Variants in RANBP2 observed in about 807,000 individuals in gnomAD.
The protein encoded by RANBP2 is RAN binding protein 2, also known as E3 SUMO-protein ligase RanBP2.
A neutral mutation model predicts 303.6 loss-of-function variants in RANBP2; 57 were observed. The observed-to-expected ratio is 0.19, with a 90% CI of 0.15 to 0.23. The LOEUF is 0.23. Ranked by LOEUF, RANBP2 falls within the 10% of genes least tolerant of loss-of-function variation. The pLI is 1.00. For synonymous variants in RANBP2, 1,167 were observed against 1,301.5 expected (o/e 0.90, Z 2.23); for missense variants, 3,138 against 3,780.8 (o/e 0.83, Z 4.46).
chr2:109,184,683 C>T, the RANBP2 span, among the ~76,000 whole-genome samples: 29 of 152,322 alleles, frequency 1.9e-4, no homozygotes, highest in South Asian at 5.8e-3. Flanking sequence ...CTGCCTGCTT[C>T]CCCCTGCCAC....
At chr2:109,209,510 G>T in the RANBP2 span, among the ~76,000 whole-genome samples, 1 of 152,162 alleles carries the variant, frequency 6.6e-6, no homozygotes, top group African/African-American at 2.4e-5. Flanking sequence ...CCTGGGTACA[G>T]CAAGGGAGGC....
the RANBP2 span, among the ~76,000 whole-genome samples, chr2:109,742,973 A>G: frequency 1.2e-4 from 18 of 148,834 alleles, no homozygotes; most frequent in East Asian, 3.5e-3. Flanking sequence ...TTGGACATCT[A>G]CATTAAAAAA....
At chr2:109,490,253 G>C in the RANBP2 span, among the ~76,000 whole-genome samples, 1 of 152,192 alleles carries the variant, frequency 6.6e-6, no homozygotes, top group African/African-American at 2.4e-5. Context: ...GCAAAGAGCA[G>C]GCATGCTTAC....
the RANBP2 span, among the ~76,000 whole-genome samples, chr2:109,179,505 G>A: frequency 2.6e-5 from 4 of 152,092 alleles, no homozygotes; most frequent in Non-Finnish European, 5.9e-5. Flanking sequence ...CCAAAGAGTG[G>A]GTAACTTATA....
the RANBP2 span, among the ~76,000 whole-genome samples, chr2:109,113,159 G>A: frequency 0.95 from 143,757 of 151,990 alleles, 68,471 homozygotes; most frequent in Non-Finnish European, 1. Context: ...AGTTTTTTCC[G>A]ATTCTGTGAA....
At chr2:108,759,282 C>T (rs530197878) in intron 18 of RANBP2, among the ~76,000 whole-genome samples, 8 of 151,836 alleles carry the variant, frequency 5.3e-5, no homozygotes, top group East Asian at 1.9e-4. Context: ...ATTATTAATC[C>T]CTTTTTTATA....
chr2:109,170,696 T>C, the RANBP2 span, among the ~76,000 whole-genome samples: 1 of 152,166 alleles, frequency 6.6e-6, no homozygotes, highest in Admixed American at 6.5e-5. Context: ...AGTCTGAGGT[T>C]GTTATTTGTT....
the RANBP2 span, among the ~76,000 whole-genome samples, chr2:109,267,532 C>G: frequency 6.6e-5 from 10 of 152,134 alleles, no homozygotes; most frequent in Non-Finnish European, 1.0e-4. Context: ...TTGATCAGCC[C>G]CACTCCCTTC....
chr2:108,969,446 T>C, the RANBP2 span, among the ~76,000 whole-genome samples: 1 of 152,216 alleles, frequency 6.6e-6, no homozygotes. Context: ...CAAATGTTTA[T>C]GGGGCCAGAC....
the RANBP2 span, among the ~76,000 whole-genome samples, chr2:109,067,836 C>T: frequency 3.3e-5 from 5 of 152,162 alleles, no homozygotes; most frequent in Non-Finnish European, 2.9e-5. Flanking sequence ...TCAAAATGCA[C>T]CTGCAAGCCA....
chr2:108,907,480 T>C, the RANBP2 span, among the ~76,000 whole-genome samples: 1 of 151,996 alleles, frequency 6.6e-6, no homozygotes, highest in South Asian at 2.1e-4. Flanking sequence ...ACCTCGTCTC[T>C]ACTAAAATAT....
the RANBP2 span, chr2:109,490,797 G>A: frequency 7.8e-6 from 12 of 1,536,898 alleles, no homozygotes; most frequent in Admixed American, 5.9e-5. Flanking sequence ...CATAGAGAGC[G>A]AGATGCAGGG....
chr2:109,425,807 G>A, the RANBP2 span, among the ~76,000 whole-genome samples: 1 of 152,234 alleles, frequency 6.6e-6, no homozygotes, highest in Non-Finnish European at 1.5e-5. Context: ...CATGCCTGCT[G>A]ACACAGCATC....
At chr2:109,303,783 G>A in the RANBP2 span, among the ~76,000 whole-genome samples, 1 of 152,238 alleles carries the variant, frequency 6.6e-6, no homozygotes, top group African/African-American at 2.4e-5. Context: ...ATCTCGATGA[G>A]TCTGGGGGTG....
At chr2:109,185,293 C>T in the RANBP2 span, among the ~76,000 whole-genome samples, 1 of 152,012 alleles carries the variant, frequency 6.6e-6, no homozygotes, top group African/African-American at 2.4e-5. Flanking sequence ...GAATAAAATC[C>T]CATGTAAGAG....
At chr2:109,466,251 T>A in the RANBP2 span, among the ~76,000 whole-genome samples, 17 of 151,866 alleles carry the variant, frequency 1.1e-4, no homozygotes, top group Non-Finnish European at 5.9e-5. Flanking sequence ...CCCAGCTAAT[T>A]TTTGTATTTT....
chr2:109,381,590 C>G, the RANBP2 span, among the ~76,000 whole-genome samples: 1 of 152,060 alleles, frequency 6.6e-6, no homozygotes, highest in East Asian at 1.9e-4. Context: ...TTCCCTTTCA[C>G]TTCTACCTTT....
chr2:109,055,377 T>TC, the RANBP2 span, among the ~76,000 whole-genome samples: 1 of 149,794 alleles, frequency 6.7e-6, no homozygotes, highest in Admixed American at 6.6e-5. Flanking sequence ...TTTTTTTTTT[T>TC]TTTTGAGACA....
chr2:109,475,008 T>G, the RANBP2 span, among the ~76,000 whole-genome samples: 1 of 152,220 alleles, frequency 6.6e-6, no homozygotes, highest in South Asian at 2.1e-4. Flanking sequence ...AGACGGAGTC[T>G]CGCTGTGTCA....
Sources: allele counts gnomAD v4.1 joint callset (sites outside exome capture counted in the v4.1 genomes callset), GRCh38; gene constraint gnomAD v4.1.1; transcripts MANE v1.5; gene names NCBI Gene and HGNC (gene_info 2026-07-23, HGNC 2026-07-21).